DBT: variants seen among roughly 807,000 people sequenced by gnomAD.
DBT encodes lipoamide acyltransferase component of branched-chain alpha-keto acid dehydrogenase complex, mitochondrial.
DBT carries 40 observed loss-of-function variants against 51.3 expected under a neutral mutation model. That is an observed-to-expected ratio of 0.78 (90% CI 0.61 to 1.02). The LOEUF (loss-of-function observed/expected upper bound fraction) is 1.02. Among genes scored for constraint, DBT ranks in the 50% least tolerant of loss-of-function variants. The pLI, the probability that DBT is intolerant of heterozygous loss-of-function variation, is 0.00. For missense variants in DBT, 510 were observed against 580.2 expected, an observed-to-expected ratio of 0.88 and a Z score of 1.24; for synonymous variants, 181 against 190.4, an observed-to-expected ratio of 0.95 and a Z score of 0.41.
At chr1:100,236,810 AG>A (rs1663892747) in intron 2 of DBT, among the ~76,000 whole-genome samples, 1 of 152,246 alleles carries the variant, frequency 6.6e-6, no homozygotes, top group African/African-American at 2.4e-5. Context: ...GCAATATGCA[AG>A]GAACAGCAAG....
At chr1:100,227,118 C>T (rs1003583816) in intron 4 of DBT, among the ~76,000 whole-genome samples, 1 of 152,028 alleles carries the variant, frequency 6.6e-6, no homozygotes, top group African/African-American at 2.4e-5. Flanking sequence ...GACTGTAACA[C>T]AATGGTAAAT....
chr1:100,231,176 C>G lies in DBT; in HGVS notation c.252-262G>C, dbSNP rs115733843. ...TTAATTAAACTCTCAGGTTTTCTGT[C>G]TGACCCATTTATCAGAAAAACAAGT... On this transcript the variant is annotated intron_variant, in intron 3 of 10. Coordinates refer to ENST00000370132, the MANE Select transcript of DBT (RefSeq NM_001918.5). Among the ~76,000 whole-genome samples the G allele has an allele frequency of 2.7e-3, 417 of 152,324 alleles. 1 individual carries two copies. The highest frequency in any genetic ancestry group is 5.1e-3 in the Non-Finnish European group (348 of 68,024).
intron 2 of DBT, among the ~76,000 whole-genome samples, chr1:100,240,012 G>C (rs7515169): frequency 0.8 from 120,885 of 152,054 alleles, 49,411 homozygotes; most frequent in East Asian, 0.95. Context: ...TCTTTATCAG[G>C]GTTCTAAATA....
intron 3 of DBT, among the ~76,000 whole-genome samples, chr1:100,231,661 C>T (rs1176668598): frequency 1.3e-5 from 2 of 152,118 alleles, no homozygotes; most frequent in Non-Finnish European, 2.9e-5. Context: ...TAGAAACCAG[C>T]TTTAAAAGCA....
chr1:100,211,173 A>C (rs535495104), intron 7 of DBT: 1 of 773,352 alleles, frequency 1.3e-6, no homozygotes, highest in Non-Finnish European at 2.4e-6. Flanking sequence ...CTCTGTGTGG[A>C]AAGAACACGT....
chr1:100,213,384 G>A (rs1259143851), intron 7 of DBT: 17 of 1,557,070 alleles, frequency 1.1e-5, no homozygotes, highest in African/African-American at 2.7e-5. Flanking sequence ...CACGGCTACG[G>A]CGCCATCCCC....
At chr1:100,197,490 A>G (rs1401324833) in intron 10 of DBT, among the ~76,000 whole-genome samples, 1 of 152,240 alleles carries the variant, frequency 6.6e-6, no homozygotes, top group East Asian at 1.9e-4. Flanking sequence ...CAAGCAAGAT[A>G]TAAGAGTAAG....
chr1:100,194,654 A>G lies in DBT; in HGVS notation c.*1601T>C, dbSNP rs890885876. ...AGCCACCAGGCTAATTTTAAAAATA[A>G]TGTTTTTTGAGATGGGATCTCACTA... is the stretch of plus-strand genomic sequence containing the variant. On this transcript the variant is annotated 3_prime_UTR_variant, in exon 11 of 11. Coordinates refer to ENST00000370132, the MANE Select transcript of DBT (RefSeq NM_001918.5). The G allele has an allele frequency of 1.3e-5, 2 of 152,120 alleles. No individual in the cohort carries two copies. The highest frequency in any genetic ancestry group is 4.8e-5 in the African/African-American group (2 of 41,376). 9.4% of individuals were successfully genotyped at this position (152,120 alleles called of 1,614,324 possible).
At chr1:100,211,651 G>GT (rs1282794345) in intron 7 of DBT, among the ~76,000 whole-genome samples, 1 of 152,154 alleles carries the variant, frequency 6.6e-6, no homozygotes, top group African/African-American at 2.4e-5. Context: ...TAAGAAAAAA[G>GT]TTTAAATATA....
At chr1:100,236,087 T>C (rs1663850353) in intron 2 of DBT, among the ~76,000 whole-genome samples, 1 of 150,990 alleles carries the variant, frequency 6.6e-6, no homozygotes, top group Non-Finnish European at 1.5e-5. Context: ...TTTCTACCCA[T>C]CCCTCCTTTT....
intron 7 of DBT, chr1:100,211,000 T>C: frequency 2.5e-6 from 2 of 787,764 alleles, no homozygotes; most frequent in Non-Finnish European, 4.4e-6. Flanking sequence ...GTCAGGTAGC[T>C]TGTAAACATC....
intron 10 of DBT, among the ~76,000 whole-genome samples, chr1:100,205,143 G>A (rs1300147478): frequency 6.6e-6 from 1 of 152,118 alleles, no homozygotes; most frequent in East Asian, 1.9e-4. Context: ...CACAGCAAAA[G>A]AAACTATCAT....
chr1:100,200,824 T>C (rs1378632930), intron 10 of DBT, among the ~76,000 whole-genome samples: 1 of 152,016 alleles, frequency 6.6e-6, no homozygotes, highest in Non-Finnish European at 1.5e-5. Context: ...GGCCTGACTG[T>C]TAGAAGAAAA....
At chr1:100,241,611 G>A (rs956134992) in intron 1 of DBT, among the ~76,000 whole-genome samples, 5 of 152,234 alleles carry the variant, frequency 3.3e-5, no homozygotes, top group African/African-American at 9.6e-5. Flanking sequence ...TGCCCAGGCT[G>A]GACTTGAAGT....
At chr1:100,221,000 A>G (rs961006579) in intron 4 of DBT, among the ~76,000 whole-genome samples, 4 of 152,234 alleles carry the variant, frequency 2.6e-5, no homozygotes, top group Non-Finnish European at 5.9e-5. Flanking sequence ...GAACCCCAAT[A>G]TGGTAGGAAC....
At position 100,187,396 on chromosome 1, in the gene DBT, T is replaced by G. The variant is rs959955945; in HGVS notation, c.*8859A>C. The G allele has an allele frequency of 5.3e-5, 8 of 152,272 alleles. No individual in the cohort carries two copies. The highest frequency in any genetic ancestry group is 1.9e-4 in the African/African-American group (8 of 41,472). The allele number at this position is 152,272 out of a possible 1,614,324, so 9.4% of individuals were successfully genotyped here. A position where few individuals can be genotyped will look rare whatever the true frequency, so the allele number is the denominator to read the frequency against. Reference sequence around the variant, plus strand: ...TATGCTCATCCCACTTTTATTTTTATGCACTACTTTTAGTTCTGCAGAAAT... The same window carrying G: ...TATGCTCATCCCACTTTTATTTTTAGGCACTACTTTTAGTTCTGCAGAAAT... On this transcript the variant is annotated 3_prime_UTR_variant, in exon 11 of 11. Transcript: ENST00000370132.
At chr1:100,202,181 C>T (rs968782488) in intron 10 of DBT, among the ~76,000 whole-genome samples, 3 of 151,898 alleles carry the variant, frequency 2.0e-5, no homozygotes, top group Admixed American at 6.6e-5. Flanking sequence ...CAAAGACACA[C>T]ATAGGCTCAA....
chr1:100,208,005 G>A (rs1661902509), intron 8 of DBT, among the ~76,000 whole-genome samples: 1 of 152,042 alleles, frequency 6.6e-6, no homozygotes, highest in Non-Finnish European at 1.5e-5. Context: ...CGTAGTGGCA[G>A]CCTCCTGCAG....
At chr1:100,233,963 T>C (rs901983119) in intron 3 of DBT, among the ~76,000 whole-genome samples, 1 of 152,234 alleles carries the variant, frequency 6.6e-6, no homozygotes, top group African/African-American at 2.4e-5. Context: ...GGCTAAATTG[T>C]AGGAGCTAAG....
Sources: allele counts gnomAD v4.1 joint callset (sites outside exome capture counted in the v4.1 genomes callset), GRCh38; gene constraint gnomAD v4.1.1; transcripts MANE v1.5; gene names NCBI Gene and HGNC (gene_info 2026-07-23, HGNC 2026-07-21).